ADAM22: variants seen among roughly 807,000 people sequenced by gnomAD.
ADAM22 encodes the protein ADAM metallopeptidase domain 22.
Under a neutral mutation model 144.6 loss-of-function variants are expected in ADAM22, and 65 were observed. The observed-to-expected ratio is 0.45, with a 90% CI of 0.37 to 0.55. The LOEUF is 0.55. Among genes scored for constraint, ADAM22 ranks in the 20% least tolerant of loss-of-function variants. The pLI is 0.00. For missense variants in ADAM22, 974 were observed against 1,184.9 expected (o/e 0.82, Z 2.61); for synonymous variants, 391 against 412.6 (o/e 0.95, Z 0.63).
intron 15 of ADAM22, among the ~76,000 whole-genome samples, chr7:88,144,360 A>G (rs1248685577): frequency 6.6e-6 from 1 of 152,208 alleles, no homozygotes; most frequent in East Asian, 1.9e-4. Flanking sequence ...TATTCAAAAG[A>G]GAACAAAGTT....
chr7:88,162,671 T>C (rs1363567194), intron 22 of ADAM22, among the ~76,000 whole-genome samples: 2 of 152,132 alleles, frequency 1.3e-5, no homozygotes, highest in African/African-American at 4.8e-5. Flanking sequence ...TTGGTACATA[T>C]GCAATCTTTT....
At chr7:88,138,025 A>T (rs1268589823) in intron 14 of ADAM22, among the ~76,000 whole-genome samples, 3 of 152,036 alleles carry the variant, frequency 2.0e-5, no homozygotes, top group Non-Finnish European at 2.9e-5. Context: ...GTGGTGGCAC[A>T]CACCTGTAGT....
At chr7:88,151,177 T>G (rs1253549837) in intron 19 of ADAM22, 80 bp from the exon 20 acceptor site, 3 of 1,569,806 alleles carry the variant, frequency 1.9e-6, no homozygotes, top group Non-Finnish European at 2.6e-6. Flanking sequence ...CTATTATTTT[T>G]CCCAATCATA....
chr7:88,054,451 C>T (rs981763534), intron 3 of ADAM22, among the ~76,000 whole-genome samples: 3 of 152,120 alleles, frequency 2.0e-5, no homozygotes, highest in Admixed American at 2.0e-4. Flanking sequence ...TGTTCCACCA[C>T]AGCTCCCTCC....
Position 88,128,737 on chromosome 7 carries a change from AAT to A in ADAM22, c.753+64_753+65del, listed in dbSNP as rs1831045026. 17 of 1,345,870 alleles carry A rather than the reference AAT, an allele frequency of 1.3e-5. No individual in the cohort carries two copies. In the South Asian group the frequency reaches 2.2e-4, roughly 17 times the overall value. 83.4% of individuals were successfully genotyped at this position (1,345,870 alleles called of 1,614,324 possible). ...CTAGGGTAAAACTGGTGAGTGCAAA[AAT>A]ATGTTTAGAAAAAACAAGAAGCCCA... is the stretch of plus-strand genomic sequence containing the variant. On this transcript the variant is annotated intron_variant, in intron 9 of 31. Coordinates refer to ENST00000413139, the MANE Select transcript of ADAM22 (RefSeq NM_001324418.2).
chr7:88,163,130 T>A lies in ADAM22; in HGVS notation c.2026T>A (p.Phe676Ile), dbSNP rs541315761. The A allele has an allele frequency of 1.9e-5, 31 of 1,612,092 alleles. No individual in the cohort carries two copies. Among genetic ancestry groups the A allele is most frequent in the Non-Finnish European group, 2.5e-5 (29 of 1,179,014 alleles). The change falls in exon 23 of 32, where the codon TTT becomes ATT. Residue 676 changes from phenylalanine (F) to isoleucine (I), a missense_variant. Around this residue, in one of 2 missense-constraint regions of ADAM22, gnomAD observed 734 missense variants for 950.6 expected, o/e 0.77. Coordinates refer to ENST00000413139, the MANE Select transcript of ADAM22 (RefSeq NM_001324418.2). ...HRCLPVASFN[F>I]STCLSSKEGT... ...GTGTCTTCCTGTGGCTTCTTTCAAC[T>A]TTAGTACTTGCTTGAGCAGTAAAGA...
chr7:88,110,827 C>T, intron 5 of ADAM22, among the ~76,000 whole-genome samples: 1 of 135,246 alleles, frequency 7.4e-6, no homozygotes, highest in Non-Finnish European at 1.6e-5. Flanking sequence ...GCTGCAGCCT[C>T]CGCCTCCCAG....
intron 4 of ADAM22, among the ~76,000 whole-genome samples, chr7:88,087,747 T>C (rs924077486): frequency 3.3e-5 from 5 of 152,220 alleles, no homozygotes; most frequent in African/African-American, 1.2e-4. Context: ...AATGTCTATG[T>C]GTATTAGCTC....
intron 27 of ADAM22, among the ~76,000 whole-genome samples, chr7:88,180,879 T>A (rs1194448338): frequency 1.3e-5 from 2 of 152,176 alleles, no homozygotes; most frequent in African/African-American, 4.8e-5. Flanking sequence ...CAATGGTACA[T>A]GGGCTTTGTG....
intron 2 of ADAM22, among the ~76,000 whole-genome samples, chr7:87,977,753 A>G (rs1852243509): frequency 6.6e-6 from 1 of 152,082 alleles, no homozygotes; most frequent in Non-Finnish European, 1.5e-5. Flanking sequence ...TTTTTCTAAC[A>G]CAAGAACATT....
In ADAM22 at chr7:88,107,843, C is replaced by T. The variant is rs10256423; in HGVS notation, c.391-333C>T. ...CTGGCCTTAAGTGATGCTCCTGCCT[C>T]GCCTCTGAAAGCATTGAAATTGTAG... On this transcript the variant is annotated intron_variant, in intron 4 of 31. Transcript: ENST00000413139. Among the ~76,000 whole-genome samples the T allele has an allele frequency of 2.8e-3, 424 of 151,872 alleles. 2 individuals carry two copies. The highest frequency in any genetic ancestry group is 9.8e-3 in the African/African-American group (404 of 41,374).
rs1228336465 is a variant in ADAM22, at chr7:88,026,827, GT to G, written c.323+48422del. 2.6e-5 allele frequency among the ~76,000 whole-genome samples: 4 copies of G among 152,088 alleles called. No homozygotes were observed. The South Asian group carries it at 6.2e-4, about 24-fold the overall frequency. ...CCCAATCTTAGAGGAAGGTCTTTCA[GT>G]TTTTTTCCATTCAGTATGGTACTAA... On this transcript the variant is annotated intron_variant, in intron 3 of 31. Coordinates refer to ENST00000413139, the MANE Select transcript of ADAM22 (RefSeq NM_001324418.2).
At chr7:88,066,205 C>G (rs921951419) in intron 3 of ADAM22, among the ~76,000 whole-genome samples, 13 of 152,102 alleles carry the variant, frequency 8.5e-5, no homozygotes, top group Non-Finnish European at 1.0e-4. Flanking sequence ...TTAAGCCTTG[C>G]AGTACTCCAG....
intron 30 of ADAM22, among the ~76,000 whole-genome samples, chr7:88,187,103 G>A (rs936475588): frequency 4.6e-5 from 7 of 152,278 alleles, no homozygotes; most frequent in African/African-American, 1.4e-4. Flanking sequence ...CTGCCTAAGA[G>A]TGCATAGTGC....
chr7:88,053,545 C>T (rs982559483), intron 3 of ADAM22, among the ~76,000 whole-genome samples: 15 of 103,298 alleles, frequency 1.5e-4, no homozygotes, highest in Non-Finnish European at 2.4e-4. Context: ...CAGGATAACT[C>T]AAAAAAGAAA....
chr7:88,161,729 TAG>T (rs2129529275), intron 22 of ADAM22, among the ~76,000 whole-genome samples: 1 of 152,212 alleles, frequency 6.6e-6, no homozygotes, highest in Admixed American at 6.6e-5. Flanking sequence ...CACTGATCAT[TAG>T]AGAAATTCAA....
At chr7:87,934,713 A>G (rs1840764763) in intron 1 of ADAM22, 163 bp downstream of exon 1, 4 of 726,548 alleles carry the variant, frequency 5.5e-6, no homozygotes, top group Admixed American at 3.0e-5. Flanking sequence ...TGGAGCAAAA[A>G]TATATGTGTG....
chr7:88,186,684 T>G lies in ADAM22; in HGVS notation c.2733T>G (p.Thr911=), dbSNP rs1193310271. ...GGGTAGAAGATGTGAATAAAAACAC[T>G]GAAGGACCATACTTTAGGTATTTTA... The part of the protein sequence containing the change: ...AKWVEDVNKN[T]EGPYFRTLSP... The change falls in exon 30 of 32, where the codon ACT becomes ACG. Residue 911 remains threonine, a synonymous_variant. Coordinates refer to ENST00000413139, the MANE Select transcript of ADAM22 (RefSeq NM_001324418.2). The G allele has an allele frequency of 6.2e-7, 1 of 1,603,244 alleles. No homozygotes were observed. Among genetic ancestry groups the G allele is most frequent in the East Asian group, 2.2e-5 (1 of 44,790 alleles).
chr7:88,068,077 C>G (rs1399339735), intron 3 of ADAM22, among the ~76,000 whole-genome samples: 1 of 152,046 alleles, frequency 6.6e-6, no homozygotes, highest in Non-Finnish European at 1.5e-5. Context: ...TTAAAAAAAG[C>G]TGAGGAATGG....
Sources: gnomAD v4.1 joint callset for allele counts (sites outside exome capture counted in the v4.1 genomes callset) on GRCh38, gnomAD v4.1.1 for gene constraint, gnomAD v4.1.1 regional missense constraint, MANE v1.5 for transcripts, NCBI Gene and HGNC (gene_info 2026-07-23, HGNC 2026-07-21) for gene names.